FHIT: variants seen among roughly 807,000 people sequenced by gnomAD.
FHIT encodes the protein fragile histidine triad diadenosine triphosphatase.
In FHIT, 19 loss-of-function variants were observed where a neutral mutation model predicts 17.9. The ratio of observed to expected loss-of-function variants is 1.06; its 90% CI spans 0.74 to 1.56. FHIT has a LOEUF of 1.56. FHIT is among the 40% of genes most tolerant of loss of function. FHIT has a pLI of 0.00. For missense variants in FHIT, 248 were observed against 189.2 expected, an observed-to-expected ratio of 1.31 and a Z score of -1.82; for synonymous variants, 81 against 69.7, an observed-to-expected ratio of 1.16 and a Z score of -0.81.
In FHIT at chr3:60,860,722, G is replaced by A. The variant is rs374357416; in HGVS notation, c.-110-38711C>T. 4.8e-4 allele frequency among the ~76,000 whole-genome samples: 42 copies of A among 87,206 alleles called. 11 individuals are homozygous for A. The highest frequency in any genetic ancestry group is 1.6e-3 in the South Asian group (5 of 3,124). The allele number at this position is 87,206 out of a possible 152,430, so 57.2% of individuals were successfully genotyped here. ...ATGTACATATGTACATATATATCAGGTATATATGTACATATGTTCATATAT... is the reference window on the plus strand; with the variant it reads ...ATGTACATATGTACATATATATCAGATATATATGTACATATGTTCATATAT... On this transcript the variant is annotated intron_variant, in intron 3 of 9. Transcript: ENST00000492590.
chr3:60,523,441 CTTGA>C (rs527506414), intron 5 of FHIT, among the ~76,000 whole-genome samples: 231 of 151,932 alleles, frequency 1.5e-3, no homozygotes, highest in African/African-American at 5.1e-3. Context: ...TGGAAATTTC[CTTGA>C]TTATTATAGA....
chr3:59,968,239 G>A (rs929417708), intron 7 of FHIT, among the ~76,000 whole-genome samples: 1 of 152,018 alleles, frequency 6.6e-6, no homozygotes, highest in African/African-American at 2.4e-5. Flanking sequence ...AGGTCAGGGG[G>A]CCAAGACTCT....
At chr3:60,228,693 T>C (rs1419784945) in intron 5 of FHIT, among the ~76,000 whole-genome samples, 4 of 152,152 alleles carry the variant, frequency 2.6e-5, no homozygotes, top group African/African-American at 7.2e-5. Flanking sequence ...GGCCAATTTA[T>C]AGCGTGTTTT....
rs2034315157 is a variant in FHIT at position 61,058,677 on chromosome 3, C to T, written c.-163-16578G>A. Among the ~76,000 whole-genome samples the T allele has an allele frequency of 3.3e-5, 5 of 152,192 alleles. No homozygotes were observed. In the South Asian group the frequency reaches 1.0e-3, roughly 31 times the overall value. On this transcript the variant is annotated intron_variant, in intron 2 of 9. Coordinates refer to ENST00000492590, the MANE Select transcript of FHIT (RefSeq NM_002012.4). ...GGCCTCTCCAGCCATGCTTCCTCTA[C>T]AGCCTGTGGAATGTGAGTCAATTAA... is the stretch of plus-strand genomic sequence containing the variant.
intron 8 of FHIT, among the ~76,000 whole-genome samples, chr3:59,802,071 C>T (rs779105105): frequency 6.6e-6 from 1 of 152,206 alleles, no homozygotes; most frequent in Non-Finnish European, 1.5e-5. Flanking sequence ...GTAGTATATG[C>T]CACAGGCTGC....
intron 5 of FHIT, among the ~76,000 whole-genome samples, chr3:60,475,535 A>T (rs1455782286): frequency 1.3e-5 from 2 of 152,186 alleles, no homozygotes; most frequent in African/African-American, 4.8e-5. Context: ...GCAGCAGCTG[A>T]TGTAGGCACT....
At chr3:60,186,780 C>A (rs74949573) in intron 5 of FHIT, among the ~76,000 whole-genome samples, 2 of 151,116 alleles carry the variant, frequency 1.3e-5, no homozygotes, top group African/African-American at 4.9e-5. Context: ...GTGCCATGCC[C>A]GCAAACTTTG....
intron 5 of FHIT, among the ~76,000 whole-genome samples, chr3:60,330,163 T>C (rs957375925): frequency 2.0e-5 from 3 of 152,186 alleles, no homozygotes; most frequent in Admixed American, 2.0e-4. Context: ...TACAAACAAC[T>C]GGGCTCCCGG....
intron 7 of FHIT, among the ~76,000 whole-genome samples, chr3:60,008,559 G>C (rs1454676672): frequency 6.6e-6 from 1 of 152,080 alleles, no homozygotes; most frequent in African/African-American, 2.4e-5. Context: ...GGTGCTCCAG[G>C]GGAAAAGACC....
At chr3:61,120,175 T>A (rs1223169835) in intron 2 of FHIT, among the ~76,000 whole-genome samples, 1 of 152,126 alleles carries the variant, frequency 6.6e-6, no homozygotes, top group Non-Finnish European at 1.5e-5. Flanking sequence ...AAGTTCACCA[T>A]CTAGATATAG....
At chr3:60,121,214 A>G (rs1194265181) in intron 5 of FHIT, among the ~76,000 whole-genome samples, 1 of 142,080 alleles carries the variant, frequency 7.0e-6, no homozygotes, top group Admixed American at 6.8e-5. Context: ...TATGTCCAAC[A>G]TTATTATTAG....
chr3:60,279,161 A>G (rs1707307889), intron 5 of FHIT, among the ~76,000 whole-genome samples: 1 of 152,158 alleles, frequency 6.6e-6, no homozygotes, highest in Non-Finnish European at 1.5e-5. Flanking sequence ...CAGGAAAAAA[A>G]GAGCAACAAT....
chr3:60,758,158 T>C (rs1699515149), intron 4 of FHIT, among the ~76,000 whole-genome samples: 1 of 152,194 alleles, frequency 6.6e-6, no homozygotes, highest in African/African-American at 2.4e-5. Context: ...TGCTGGTCCT[T>C]CAGGTGGCCT....
intron 4 of FHIT, among the ~76,000 whole-genome samples, chr3:60,767,095 G>C (rs1412853880): frequency 2.0e-5 from 3 of 152,126 alleles, no homozygotes; most frequent in Non-Finnish European, 4.4e-5. Context: ...GTCTTGAATT[G>C]AGCCTACAAA....
At chr3:60,189,239 G>GT (rs1214078763) in intron 5 of FHIT, among the ~76,000 whole-genome samples, 1 of 151,946 alleles carries the variant, frequency 6.6e-6, no homozygotes, top group East Asian at 1.9e-4. Context: ...GAAGCTGGGG[G>GT]TGGGGGGGAA....
chr3:60,722,650 T>TGGC lies in FHIT; in HGVS notation c.-18+99266_-18+99268dup, dbSNP rs1164747084. ...TGTGACAACAAAATGTCTTCAGACA[T>TGGC]GGCCGTATGTCCTCTTGGGGGAAAA... On this transcript the variant is annotated intron_variant, in intron 4 of 9. Coordinates refer to ENST00000492590, the MANE Select transcript of FHIT (RefSeq NM_002012.4). Among the ~76,000 whole-genome samples, 6 of 151,686 alleles carry TGGC rather than the reference T, an allele frequency of 4.0e-5. No homozygotes were observed. The East Asian group carries it at 1.2e-3, about 29-fold the overall frequency.
chr3:61,100,128 G>A (rs539755208), intron 2 of FHIT, among the ~76,000 whole-genome samples: 1 of 152,090 alleles, frequency 6.6e-6, no homozygotes, highest in Admixed American at 6.5e-5. Flanking sequence ...TGATACATAG[G>A]TATACATGTG....
intron 5 of FHIT, among the ~76,000 whole-genome samples, chr3:60,113,199 T>G (rs896662298): frequency 6.6e-6 from 1 of 152,220 alleles, no homozygotes; most frequent in Non-Finnish European, 1.5e-5. Context: ...CTTTCCCTAC[T>G]AAGACGCAAG....
intron 2 of FHIT, among the ~76,000 whole-genome samples, chr3:61,098,072 A>G (rs1356898921): frequency 1.3e-5 from 2 of 151,950 alleles, no homozygotes; most frequent in Non-Finnish European, 2.9e-5. Context: ...CAGGGTTTTT[A>G]TAGTTTGGGG....
Sources: gnomAD v4.1 joint callset for allele counts (sites outside exome capture counted in the v4.1 genomes callset) on GRCh38, gnomAD v4.1.1 for gene constraint, MANE v1.5 for transcripts, NCBI Gene and HGNC (gene_info 2026-07-23, HGNC 2026-07-21) for gene names.